Variants in DNAJC3 observed in about 807,000 individuals in gnomAD.
DNAJC3 encodes dnaJ homolog subfamily C member 3.
A neutral mutation model predicts 68.6 loss-of-function variants in DNAJC3; 38 were observed. The ratio of observed to expected loss-of-function variants is 0.55; its 90% CI spans 0.43 to 0.73. DNAJC3 has a LOEUF of 0.73. Among genes scored for constraint, DNAJC3 ranks in the 30% least tolerant of loss-of-function variants. The pLI, the probability that DNAJC3 is intolerant of heterozygous loss-of-function variation, is 0.00. For missense variants in DNAJC3, 526 were observed against 591.9 expected (o/e 0.89, Z 1.16); for synonymous variants, 203 against 204.0 (o/e 1.00, Z 0.04).
intron 9 of DNAJC3, among the ~76,000 whole-genome samples, chr13:95,766,708 T>TA: frequency 6.6e-6 from 1 of 152,184 alleles, no homozygotes; most frequent in South Asian, 2.1e-4. Flanking sequence ...ATTTTTTTTT[T>TA]TTTTGAGATG....
At position 95,678,470 on chromosome 13, in the gene DNAJC3, AG is replaced by A. The variant is rs572698875; in HGVS notation, c.82+1134del. On this transcript the variant is annotated intron_variant, in intron 1 of 11. Coordinates refer to ENST00000602402, the MANE Select transcript of DNAJC3 (RefSeq NM_006260.5). ...AACCATATTTTTTGAACCCCAAATC[AG>A]AACACGTAGTGTGGCAACATTGGGA... Among the ~76,000 whole-genome samples, 226 of 152,308 alleles carry A rather than the reference AG, an allele frequency of 1.5e-3. 1 individual carries two copies. Among genetic ancestry groups the A allele is most frequent in the African/African-American group, 5.3e-3 (220 of 41,554 alleles).
chr13:95,767,691 G>GTTTTTTTTTTTTTTT (rs796243780), intron 9 of DNAJC3, among the ~76,000 whole-genome samples: 2 of 135,794 alleles, frequency 1.5e-5, no homozygotes, highest in African/African-American at 5.5e-5. Flanking sequence ...AGTTTTTTGG[G>GTTTTTTTTTTTTTTT]TTTTTTTTTT....
chr13:95,775,210 G>A (rs1883261668), intron 9 of DNAJC3, among the ~76,000 whole-genome samples: 1 of 152,178 alleles, frequency 6.6e-6, no homozygotes, highest in African/African-American at 2.4e-5. Context: ...GACTGTAGGT[G>A]CATGTCCTGC....
chr13:95,702,277 C>T (rs1321643659), intron 1 of DNAJC3, among the ~76,000 whole-genome samples: 20 of 152,066 alleles, frequency 1.3e-4, no homozygotes, highest in Non-Finnish European at 2.2e-4. Flanking sequence ...CCCTCCCAAG[C>T]AACCATTATT....
chr13:95,768,606 C>T (rs1036200396), intron 9 of DNAJC3, among the ~76,000 whole-genome samples: 4 of 152,052 alleles, frequency 2.6e-5, no homozygotes, highest in African/African-American at 7.2e-5. Context: ...ATTCTTGTGC[C>T]CTCTTGCTTA....
chr13:95,755,534 G>A (rs1882628882), intron 4 of DNAJC3, among the ~76,000 whole-genome samples: 3 of 151,656 alleles, frequency 2.0e-5, no homozygotes, highest in African/African-American at 2.4e-5. Context: ...TGAGGCGGGC[G>A]GATCACAAGG....
At chr13:95,760,926 C>T in intron 7 of DNAJC3, 128 bp downstream of exon 7, 1 of 1,277,572 alleles carries the variant, frequency 7.8e-7, no homozygotes, top group Non-Finnish European at 1.0e-6. Context: ...AGCCCTGGGC[C>T]TTAGCAAAAC....
chr13:95,747,052 G>C (rs2139663662), intron 4 of DNAJC3, among the ~76,000 whole-genome samples: 1 of 152,232 alleles, frequency 6.6e-6, no homozygotes, highest in Non-Finnish European at 1.5e-5. Context: ...TTTTCCATGA[G>C]ATCCAAATAT....
chr13:95,785,452 C>CTTTTTTTTTTTTT (rs36052714), intron 9 of DNAJC3, among the ~76,000 whole-genome samples: 1 of 77,926 alleles, frequency 1.3e-5, no homozygotes, highest in African/African-American at 5.4e-5. Flanking sequence ...CCTTTTAAAC[C>CTTTTTTTTTTTTT]TTTTTTTTTT....
intron 4 of DNAJC3, among the ~76,000 whole-genome samples, chr13:95,736,303 G>T (rs918819031): frequency 2.0e-5 from 3 of 151,784 alleles, no homozygotes; most frequent in Non-Finnish European, 4.4e-5. Context: ...TTGGCGATGC[G>T]GGCTCTTTTT....
At chr13:95,740,621 C>G (rs913083298) in intron 4 of DNAJC3, among the ~76,000 whole-genome samples, 3 of 152,240 alleles carry the variant, frequency 2.0e-5, no homozygotes, top group African/African-American at 7.2e-5. Context: ...AGGGAACTCC[C>G]TGACCCCTTG....
At chr13:95,775,073 AT>A (rs945061715) in intron 9 of DNAJC3, among the ~76,000 whole-genome samples, 16 of 151,846 alleles carry the variant, frequency 1.1e-4, no homozygotes, top group Admixed American at 9.2e-4. Flanking sequence ...TGTCATTTAG[AT>A]TATTTGAATA....
At chr13:95,779,269 G>T (rs559762273) in intron 9 of DNAJC3, among the ~76,000 whole-genome samples, 1 of 151,370 alleles carries the variant, frequency 6.6e-6, no homozygotes, top group Non-Finnish European at 1.5e-5. Context: ...GACTACAGGC[G>T]CCCGCCACCA....
chr13:95,692,067 G>C (rs187069194), intron 1 of DNAJC3, among the ~76,000 whole-genome samples: 15 of 150,814 alleles, frequency 9.9e-5, no homozygotes, highest in African/African-American at 3.5e-4. Context: ...GAGGGAGACC[G>C]TGGAAAGAGA....
intron 4 of DNAJC3, among the ~76,000 whole-genome samples, chr13:95,733,739 C>G (rs572432662): frequency 9.7e-6 from 1 of 103,386 alleles, no homozygotes; most frequent in African/African-American, 3.7e-5. Flanking sequence ...ACAGTTCTGT[C>G]TTAAACCGAT....
At chr13:95,743,365 G>T (rs1252259145) in intron 4 of DNAJC3, among the ~76,000 whole-genome samples, 1 of 152,194 alleles carries the variant, frequency 6.6e-6, no homozygotes, top group Non-Finnish European at 1.5e-5. Context: ...ACTGGTTACA[G>T]CTAGGCCTTT....
chr13:95,686,927 G>A (rs942822587), intron 1 of DNAJC3, among the ~76,000 whole-genome samples: 3 of 152,172 alleles, frequency 2.0e-5, no homozygotes, highest in African/African-American at 7.2e-5. Context: ...TGACATTGGT[G>A]ATTTGATAGG....
intron 1 of DNAJC3, among the ~76,000 whole-genome samples, chr13:95,699,017 T>C (rs1880521722): frequency 1.3e-5 from 2 of 152,192 alleles, no homozygotes; most frequent in African/African-American, 2.4e-5. Flanking sequence ...GGCAGCAGCA[T>C]AGGGGCTGGA....
chr13:95,735,745 C>T (rs1454442355), intron 4 of DNAJC3, among the ~76,000 whole-genome samples: 2 of 151,782 alleles, frequency 1.3e-5, no homozygotes, highest in South Asian at 2.1e-4. Flanking sequence ...GAGTAGGTTG[C>T]AAAAATTTTC....
Sources: gnomAD v4.1 joint callset for allele counts (sites outside exome capture counted in the v4.1 genomes callset) on GRCh38, gnomAD v4.1.1 for gene constraint, MANE v1.5 for transcripts, NCBI Gene and HGNC (gene_info 2026-07-23, HGNC 2026-07-21) for gene names.